SIPA1L2: variants seen among roughly 807,000 people sequenced by gnomAD.
SIPA1L2 encodes the protein signal induced proliferation associated 1 like 2, also known as signal-induced proliferation-associated 1-like protein 2.
A neutral mutation model predicts 163.9 loss-of-function variants in SIPA1L2; 56 were observed. That is an observed-to-expected ratio of 0.34 (90% CI 0.28 to 0.43). SIPA1L2 has a LOEUF of 0.43. Among genes scored for constraint, SIPA1L2 ranks in the 20% least tolerant of loss-of-function variants. The pLI is 1.00. For missense variants in SIPA1L2, 1,974 were observed against 2,193.5 expected (o/e 0.90, Z 2.00); for synonymous variants, 877 against 865.7 (o/e 1.01, Z -0.23).
chr1:232,536,706 T>C (rs1295853310), intron 2 of SIPA1L2, among the ~76,000 whole-genome samples: 1 of 152,184 alleles, frequency 6.6e-6, no homozygotes, highest in Non-Finnish European at 1.5e-5. Flanking sequence ...TCCTTCTTTT[T>C]CTCTTGTAAC....
intron 8 of SIPA1L2, among the ~76,000 whole-genome samples, chr1:232,466,032 T>G (rs1664494909): frequency 6.6e-6 from 1 of 152,106 alleles, no homozygotes; most frequent in Non-Finnish European, 1.5e-5. Flanking sequence ...TTAAGCCACC[T>G]AGCCTGTGGC....
intron 1 of SIPA1L2, among the ~76,000 whole-genome samples, chr1:232,590,638 C>T (rs1660910091): frequency 6.6e-6 from 1 of 152,212 alleles, no homozygotes; most frequent in Non-Finnish European, 1.5e-5. Context: ...GGCATTGGGC[C>T]TCGCCCATGC....
chr1:232,561,839 C>T (rs1042841039), intron 2 of SIPA1L2, among the ~76,000 whole-genome samples: 5 of 152,198 alleles, frequency 3.3e-5, no homozygotes, highest in African/African-American at 1.2e-4. Context: ...GAGGGATACA[C>T]AGGGCAGCGT....
intron 15 of SIPA1L2, among the ~76,000 whole-genome samples, chr1:232,433,835 T>C (rs1558173067): frequency 6.6e-6 from 1 of 152,224 alleles, no homozygotes; most frequent in East Asian, 1.9e-4. Flanking sequence ...GTGAGTGCAA[T>C]GCGAGGATTC....
chr1:232,628,653 A>C (rs1663205938), intron 1 of SIPA1L2, among the ~76,000 whole-genome samples: 1 of 152,292 alleles, frequency 6.6e-6, no homozygotes, highest in African/African-American at 2.4e-5. Context: ...TAGGTTTTCT[A>C]GGAAAGCAAT....
At chr1:232,439,028 G>A in intron 15 of SIPA1L2, 80 bp downstream of exon 15, 1 of 1,459,830 alleles carries the variant, frequency 6.9e-7, no homozygotes, top group Middle Eastern at 2.2e-4. Context: ...ACTGCTTACA[G>A]TTCAGGCTTC....
Position 232,415,483 on chromosome 1 carries a change from T to C in SIPA1L2, c.4762+11A>G. The C allele has an allele frequency of 6.3e-7, 1 of 1,598,764 alleles. No individual in the cohort carries two copies. ...GGTAAGGGGTGAGGCCAGAGGCTGG[T>C]GAGTCTTTACCTTCAAATGCCCGTG... On this transcript the variant is annotated intron_variant, in intron 19 of 22. Coordinates refer to ENST00000674635, the MANE Select transcript of SIPA1L2 (RefSeq NM_020808.5).
chr1:232,572,777 ATATT>A (rs202195815), intron 2 of SIPA1L2, among the ~76,000 whole-genome samples: 6,417 of 68,752 alleles, frequency 0.093, 208 homozygotes, highest in Non-Finnish European at 0.13. Context: ...ATATATATAT[ATATT>A]TATTTATTTA....
intron 2 of SIPA1L2, among the ~76,000 whole-genome samples, chr1:232,571,976 C>T (rs928857102): frequency 1.3e-5 from 2 of 152,236 alleles, no homozygotes; most frequent in African/African-American, 4.8e-5. Flanking sequence ...GGGGCTAACA[C>T]AATGCATCAC....
intron 1 of SIPA1L2, among the ~76,000 whole-genome samples, chr1:232,580,249 C>T (rs1464459539): frequency 6.6e-6 from 1 of 152,134 alleles, no homozygotes; most frequent in Non-Finnish European, 1.5e-5. Context: ...TTTTAGCATG[C>T]TGATGCATTA....
rs1377494409 is a variant in SIPA1L2, at chr1:232,402,388, T to C, written c.5022+4A>G. On this transcript the variant is annotated splice_donor_region_variant and intron_variant, in intron 22 of 22. Coordinates refer to ENST00000674635, the MANE Select transcript of SIPA1L2 (RefSeq NM_020808.5). ...GTTCTGATTATGCTCTTCCAATTGA[T>C]TACCTTCCGAAGGTCGGTCTGGAGT... The C allele has an allele frequency of 4.3e-6, 7 of 1,612,482 alleles. No individual in the cohort carries two copies. The highest frequency in any genetic ancestry group is 5.9e-6 in the Non-Finnish European group (7 of 1,178,806).
intron 15 of SIPA1L2, among the ~76,000 whole-genome samples, chr1:232,433,136 C>G (rs1662349080): frequency 6.6e-6 from 1 of 152,134 alleles, no homozygotes; most frequent in Non-Finnish European, 1.5e-5. Context: ...TAAGAACTCC[C>G]CAATGGCAGC....
chr1:232,605,694 AAAAACAAAACAAAAC>A (rs138160386), intron 1 of SIPA1L2, among the ~76,000 whole-genome samples: 1 of 151,240 alleles, frequency 6.6e-6, no homozygotes, highest in African/African-American at 2.4e-5. Context: ...ATTCTGTCTT[AAAAACAAAACAAAAC>A]AAAACAAAAC....
At chr1:232,519,504 GTCCGA>G (rs1454542861) in intron 2 of SIPA1L2, among the ~76,000 whole-genome samples, 2 of 152,200 alleles carry the variant, frequency 1.3e-5, no homozygotes, top group African/African-American at 4.8e-5. Flanking sequence ...TCAGCTTCGT[GTCCGA>G]GTTAGAGAAG....
rs149700972 is a variant in SIPA1L2, at chr1:232,398,435, G to C, written c.*692C>G. 1.3e-5 allele frequency: 2 copies of C among 152,644 alleles called. No individual in the cohort carries two copies. The highest frequency in any genetic ancestry group is 4.8e-5 in the African/African-American group (2 of 41,530). 9.5% of individuals were successfully genotyped at this position (152,644 alleles called of 1,614,324 possible). ...TGACCACTCGGTGAGCCATTTACAA[G>C]GCATATGTATCTTTTTTTTGTTTTT... On this transcript the variant is annotated 3_prime_UTR_variant, in exon 23 of 23. Transcript: ENST00000674635.
intron 17 of SIPA1L2, among the ~76,000 whole-genome samples, chr1:232,426,807 T>G (rs748768922): frequency 2.0e-5 from 3 of 152,212 alleles, no homozygotes; most frequent in Non-Finnish European, 4.4e-5. Context: ...TACTAAGAAA[T>G]GAGTGGTCAA....
chr1:232,479,789 T>G, intron 6 of SIPA1L2, 59 bp from the exon 7 acceptor site: 1 of 1,461,896 alleles, frequency 6.8e-7, no homozygotes, highest in Non-Finnish European at 9.6e-7. Context: ...AGTGCTTCGA[T>G]ATTTAAAAGG....
At chr1:232,491,479 C>T (rs992017749) in intron 4 of SIPA1L2, among the ~76,000 whole-genome samples, 1 of 152,114 alleles carries the variant, frequency 6.6e-6, no homozygotes, top group Non-Finnish European at 1.5e-5. Context: ...TTCTTTTCTT[C>T]CACTCCCTTT....
At chr1:232,580,499 TG>T (rs1307616726) in intron 1 of SIPA1L2, among the ~76,000 whole-genome samples, 11 of 152,310 alleles carry the variant, frequency 7.2e-5, no homozygotes, top group African/African-American at 2.6e-4. Flanking sequence ...GGAATCACTC[TG>T]GTTAAAATGC....
Sources: gnomAD v4.1 joint callset for allele counts (sites outside exome capture counted in the v4.1 genomes callset) on GRCh38, gnomAD v4.1.1 for gene constraint, MANE v1.5 for transcripts, NCBI Gene and HGNC (gene_info 2026-07-23, HGNC 2026-07-21) for gene names.